Variants in SEPTIN9 observed in about 807,000 individuals in gnomAD.
The protein encoded by SEPTIN9 is septin 9, also known as septin-9.
SEPTIN9 carries 13 observed loss-of-function variants against 56.6 expected under a neutral mutation model. The observed-to-expected ratio is 0.23, with a 90% CI of 0.15 to 0.37. The LOEUF is 0.37. SEPTIN9 is among the 10% of genes least tolerant of loss of function. The pLI is 1.00. For missense variants in SEPTIN9, 650 were observed against 823.1 expected (o/e 0.79, Z 2.57); for synonymous variants, 332 against 334.1 (o/e 0.99, Z 0.07).
intron 3 of SEPTIN9, among the ~76,000 whole-genome samples, chr17:77,468,779 T>C (rs1455765995): frequency 6.6e-6 from 1 of 152,020 alleles, no homozygotes; most frequent in Non-Finnish European, 1.5e-5. Context: ...CCCTGGTGCT[T>C]TGAGGAGGAG....
At chr17:77,382,511 C>G (rs1247550320) in intron 2 of SEPTIN9, among the ~76,000 whole-genome samples, 7 of 152,166 alleles carry the variant, frequency 4.6e-5, no homozygotes, top group African/African-American at 1.7e-4. Flanking sequence ...AGGGGCCCTG[C>G]TGCGCACGAG....
chr17:77,446,854 T>C (rs1377339226), intron 3 of SEPTIN9: 1 of 167,104 alleles, frequency 6.0e-6, no homozygotes, highest in Non-Finnish European at 1.5e-5. Flanking sequence ...GAAAACAAAC[T>C]GGCTCAAGGG....
At chr17:77,365,634 C>T (rs550753291) in intron 2 of SEPTIN9, among the ~76,000 whole-genome samples, 9 of 152,112 alleles carry the variant, frequency 5.9e-5, no homozygotes, top group South Asian at 2.1e-4. Flanking sequence ...GCCTTCTGAG[C>T]GGGTGCAGAA....
intron 3 of SEPTIN9, among the ~76,000 whole-genome samples, chr17:77,441,105 G>A (rs1218481332): frequency 6.6e-6 from 1 of 152,218 alleles, no homozygotes; most frequent in Non-Finnish European, 1.5e-5. Flanking sequence ...CTGGTTCTGG[G>A]AGGAGAGAAT....
In SEPTIN9 at chr17:77,336,855, C is replaced by G. The variant is rs567463670; in HGVS notation, c.76+29658C>G. On this transcript the variant is annotated intron_variant, in intron 2 of 11. Coordinates refer to ENST00000427177, the MANE Select transcript of SEPTIN9 (RefSeq NM_001113491.2). ...ACCTTTGTCAGATTGAGGAAATTCC[C>G]TTCTATTCTTAATTTGCTGAAATTT... 1.8e-3 allele frequency among the ~76,000 whole-genome samples: 268 copies of G among 152,110 alleles called. 1 individual carries two copies. The highest frequency in any genetic ancestry group is 2.8e-3 in the Non-Finnish European group (189 of 68,006).
At chr17:77,393,074 T>C (rs1410350875) in intron 2 of SEPTIN9, among the ~76,000 whole-genome samples, 5 of 152,044 alleles carry the variant, frequency 3.3e-5, no homozygotes, top group Non-Finnish European at 7.4e-5. Flanking sequence ...CTAATTTGTG[T>C]CCCTCCAGAA....
intron 4 of SEPTIN9, 156 bp downstream of exon 4, chr17:77,482,491 G>A: frequency 2.5e-6 from 2 of 796,706 alleles, no homozygotes; most frequent in Non-Finnish European, 4.2e-6. Flanking sequence ...GCGTGTGCAT[G>A]CATGCGCCTG....
rs766517658 is a variant in SEPTIN9, at chr17:77,402,482, C to T, written c.500C>T (p.Pro167Leu). The stretch of plus-strand genomic sequence containing the variant: ...GAGTCAGCCCACCGGAGGATGGAGC[C>T]CCCTGCCTCCAAGGTCCCCGAGGTG... ...PQESAHRRMEPPASKVPEVPT... is the reference protein window; with the variant it reads ...PQESAHRRMELPASKVPEVPT... The change falls in exon 3 of 12, where the codon CCC (proline) becomes CTC (leucine). Residue 167 changes from proline (P) to leucine (L), a missense_variant. Physicochemically the swap from Pro to Leu is moderately conservative, Grantham distance 98. Transcript: ENST00000427177. This position sits in a 1 kb window ranked among gnomAD's most constrained non-coding sequence, Gnocchi z 6.6. 1.9e-6 allele frequency: 3 copies of T among 1,606,878 alleles called. No individual in the cohort carries two copies.
chr17:77,336,720 T>C (rs1400075289), intron 2 of SEPTIN9, among the ~76,000 whole-genome samples: 1 of 152,146 alleles, frequency 6.6e-6, no homozygotes, highest in African/African-American at 2.4e-5. Flanking sequence ...TTTTTTTTCT[T>C]GCTTTATTGC....
intron 2 of SEPTIN9, among the ~76,000 whole-genome samples, chr17:77,391,665 A>G (rs2035543909): frequency 6.6e-6 from 1 of 152,174 alleles, no homozygotes. Flanking sequence ...ACTACATTTA[A>G]TAAACCCAGA....
Position 77,389,481 on chromosome 17 carries a change from C to T in SEPTIN9, c.77-12578C>T, listed in dbSNP as rs930777816. 6.6e-6 allele frequency among the ~76,000 whole-genome samples: 1 copy of T among 152,112 alleles called. No homozygotes were observed. Among genetic ancestry groups the T allele is most frequent in the African/African-American group, 2.4e-5 (1 of 41,412 alleles). On this transcript the variant is annotated intron_variant, in intron 2 of 11. Coordinates refer to ENST00000427177, the MANE Select transcript of SEPTIN9 (RefSeq NM_001113491.2). This position sits in a 1 kb window ranked among gnomAD's most constrained non-coding sequence, Gnocchi z 4.3. The stretch of plus-strand genomic sequence containing the variant: ...CATTTTGGGGGACTCCGTACTTAAC[C>T]TTTGAGGCCCTCAGAGCTGCAGCCT...
chr17:77,354,037 T>C (rs753742532), intron 2 of SEPTIN9, among the ~76,000 whole-genome samples: 6 of 152,146 alleles, frequency 3.9e-5, no homozygotes, highest in Non-Finnish European at 7.4e-5. Context: ...CTCCCACTTC[T>C]GGTGGGAGGA....
chr17:77,378,180 A>G (rs2035002286), intron 2 of SEPTIN9, among the ~76,000 whole-genome samples: 1 of 152,176 alleles, frequency 6.6e-6, no homozygotes, highest in Admixed American at 6.5e-5. Flanking sequence ...GGGTGACTGC[A>G]GGCTGGAAAT....
chr17:77,331,859 TA>T (rs1173623612), intron 2 of SEPTIN9, among the ~76,000 whole-genome samples: 9 of 152,202 alleles, frequency 5.9e-5, no homozygotes, highest in African/African-American at 1.7e-4. Flanking sequence ...GAAGCTGAGT[TA>T]GGGGGAAAGG....
chr17:77,396,346 G>A (rs1438233123), intron 2 of SEPTIN9, among the ~76,000 whole-genome samples: 1 of 152,242 alleles, frequency 6.6e-6, no homozygotes, highest in Non-Finnish European at 1.5e-5. Context: ...TGGGTCCTTT[G>A]AATCTGCCCA....
At position 77,449,844 on chromosome 17, in the gene SEPTIN9, G is replaced by C. The variant is rs1160609319; in HGVS notation, c.722-32300G>C. 6.6e-6 allele frequency among the ~76,000 whole-genome samples: 1 copy of C among 152,210 alleles called. No individual in the cohort carries two copies. The highest frequency in any genetic ancestry group is 1.5e-5 in the Non-Finnish European group (1 of 68,040). On this transcript the variant is annotated intron_variant, in intron 3 of 11. Coordinates refer to ENST00000427177, the MANE Select transcript of SEPTIN9 (RefSeq NM_001113491.2). This position sits in a 1 kb window ranked among gnomAD's most constrained non-coding sequence, Gnocchi z 4.6. ...TGGCCGCACTTCCTGGCCTAGACGT[G>C]TGTGTCTTGCTGTAATTTTGGCGAC...
intron 2 of SEPTIN9, among the ~76,000 whole-genome samples, chr17:77,338,688 G>A (rs2033633842): frequency 6.6e-6 from 1 of 152,156 alleles, no homozygotes; most frequent in South Asian, 2.1e-4. Flanking sequence ...CAAAGTGCTG[G>A]GATTACAGGC....
intron 2 of SEPTIN9, among the ~76,000 whole-genome samples, chr17:77,351,903 G>A (rs1016516781): frequency 1.3e-5 from 2 of 152,224 alleles, no homozygotes; most frequent in African/African-American, 2.4e-5. Flanking sequence ...GGTCAGCAGC[G>A]GTGCTGCCCT....
chr17:77,413,354 C>T (rs2036372626), intron 3 of SEPTIN9, among the ~76,000 whole-genome samples: 1 of 152,042 alleles, frequency 6.6e-6, no homozygotes, highest in Non-Finnish European at 1.5e-5. Context: ...GGGAGTTTTT[C>T]TTTCTTCTTA....
Sources: gnomAD v4.1 joint callset for allele counts (sites outside exome capture counted in the v4.1 genomes callset) on GRCh38, gnomAD v4.1.1 for gene constraint, Gnocchi (gnomAD v3.1) non-coding constraint, MANE v1.5 for transcripts, NCBI Gene and HGNC (gene_info 2026-07-23, HGNC 2026-07-21) for gene names.